The following CDC73 variants were observed in gnomAD, a reference collection of about 807,000 sequenced individuals.
CDC73 encodes the protein parafibromin.
Under a neutral mutation model 83.7 loss-of-function variants are expected in CDC73, and 21 were observed. The ratio of observed to expected loss-of-function variants is 0.25; its 90% CI spans 0.18 to 0.36. The LOEUF (loss-of-function observed/expected upper bound fraction) is 0.36, where lower values mean the gene tolerates loss of function less well. CDC73 is among the 10% of genes least tolerant of loss of function. The pLI is 1.00. For missense variants in CDC73, 342 were observed against 653.3 expected (o/e 0.52, Z 5.19); for synonymous variants, 224 against 212.9 (o/e 1.05, Z -0.45).
chr1:193,246,779 A>G (rs1490937227), intron 15 of CDC73, among the ~76,000 whole-genome samples: 1 of 152,304 alleles, frequency 6.6e-6, no homozygotes. Context: ...GTGATTGTCC[A>G]TGTCACTTAA....
chr1:193,193,268 G>T (rs926126754), intron 10 of CDC73, among the ~76,000 whole-genome samples: 7 of 152,198 alleles, frequency 4.6e-5, no homozygotes, highest in African/African-American at 1.7e-4. Context: ...GCTACAAGGG[G>T]TTGTGAGATG....
chr1:193,248,563 G>T (rs1677992065), intron 15 of CDC73, among the ~76,000 whole-genome samples: 1 of 152,012 alleles, frequency 6.6e-6, no homozygotes, highest in Non-Finnish European at 1.5e-5. Context: ...ACAGTAAATT[G>T]AAACTTTTTA....
intron 10 of CDC73, among the ~76,000 whole-genome samples, chr1:193,154,464 A>G (rs1407089173): frequency 6.6e-6 from 1 of 152,214 alleles, no homozygotes; most frequent in Non-Finnish European, 1.5e-5. Flanking sequence ...ACTGTTCTAA[A>G]TATACTGAAA....
chr1:193,240,541 A>ACCC (rs1677839459), intron 15 of CDC73, among the ~76,000 whole-genome samples: 1 of 151,716 alleles, frequency 6.6e-6, no homozygotes, highest in African/African-American at 2.4e-5. Flanking sequence ...TTTAGTAATA[A>ACCC]CCCTTCTAAT....
intron 10 of CDC73, among the ~76,000 whole-genome samples, chr1:193,187,102 T>TCCCTCCCCCC (rs1553285107): frequency 3.0e-5 from 1 of 32,874 alleles, no homozygotes; most frequent in Non-Finnish European, 6.9e-5. Flanking sequence ...GTAATTTAGA[T>TCCCTCCCCCC]CCCCCCCCCC....
At chr1:193,132,627 T>A (rs992922697) in intron 3 of CDC73, among the ~76,000 whole-genome samples, 6 of 151,614 alleles carry the variant, frequency 4.0e-5, no homozygotes, top group African/African-American at 1.2e-4. Context: ...TTTTTTTTTT[T>A]AATCAAAGCA....
chr1:193,143,653 G>A (rs1414811288), intron 7 of CDC73, among the ~76,000 whole-genome samples: 1 of 152,060 alleles, frequency 6.6e-6, no homozygotes, highest in African/African-American at 2.4e-5. Context: ...GTCTTTCTGT[G>A]TATTGTTTTT....
At chr1:193,213,748 T>C (rs1371278910) in intron 13 of CDC73, among the ~76,000 whole-genome samples, 2 of 152,198 alleles carry the variant, frequency 1.3e-5, no homozygotes, top group African/African-American at 4.8e-5. Flanking sequence ...AATCTTAATA[T>C]GGTATTATTT....
intron 10 of CDC73, among the ~76,000 whole-genome samples, chr1:193,200,343 C>T (rs1677071966): frequency 6.6e-6 from 1 of 152,166 alleles, no homozygotes; most frequent in Admixed American, 6.5e-5. Flanking sequence ...ATTACGATAT[C>T]TGTTCCACTT....
intron 10 of CDC73, among the ~76,000 whole-genome samples, chr1:193,158,698 C>G (rs764567681): frequency 1.8e-4 from 27 of 151,986 alleles, no homozygotes; most frequent in Non-Finnish European, 3.4e-4. Context: ...TGTTGCTTGT[C>G]TTGATATTTC....
At chr1:193,134,531 C>A (rs1333508039) in intron 3 of CDC73, among the ~76,000 whole-genome samples, 1 of 152,026 alleles carries the variant, frequency 6.6e-6, no homozygotes, top group Non-Finnish European at 1.5e-5. Flanking sequence ...ATTAGCCGGG[C>A]GTGGTGGCAT....
At chr1:193,241,543 G>A (rs1677860722) in intron 15 of CDC73, among the ~76,000 whole-genome samples, 1 of 152,182 alleles carries the variant, frequency 6.6e-6, no homozygotes, top group South Asian at 2.1e-4. Flanking sequence ...GGCAATGGCA[G>A]TAGCAGTGAA....
At chr1:193,167,381 A>G (rs939657664) in intron 10 of CDC73, among the ~76,000 whole-genome samples, 1 of 152,196 alleles carries the variant, frequency 6.6e-6, no homozygotes, top group African/African-American at 2.4e-5. Context: ...CTCCTCGAAT[A>G]AACCATAACT....
At chr1:193,228,260 TA>T (rs1677598210) in intron 13 of CDC73, among the ~76,000 whole-genome samples, 1 of 152,158 alleles carries the variant, frequency 6.6e-6, no homozygotes, top group African/African-American at 2.4e-5. Flanking sequence ...ATGCACAAAA[TA>T]GTGATGGCAA....
rs377332359 is a variant in CDC73, at chr1:193,203,786, C to A, written c.973-9C>A. 1.9e-6 allele frequency: 3 copies of A among 1,606,796 alleles called. No individual in the cohort carries two copies. The highest frequency in any genetic ancestry group is 2.2e-5 in the South Asian group (2 of 90,896). On this transcript the variant is annotated splice_polypyrimidine_tract_variant and intron_variant, in intron 10 of 16. Transcript: ENST00000367435. ...TTGATCTTATATATCAATTCTTATTCTTTTAAAGGAGGGTGCATCTGCCCG... is the reference window on the plus strand; with the variant it reads ...TTGATCTTATATATCAATTCTTATTATTTTAAAGGAGGGTGCATCTGCCCG...
intron 2 of CDC73, 86 bp downstream of exon 2, chr1:193,125,303 G>A: frequency 1.2e-6 from 1 of 854,584 alleles, no homozygotes; most frequent in Non-Finnish European, 2.0e-6. Context: ...TTGTTGCCCG[G>A]GCTAGGGTGC....
At position 193,253,030 on chromosome 1, in the gene CDC73, A is replaced by C. The variant is rs12067264; in HGVS notation, c.*2318A>C. 3 of 232,086 alleles carry C rather than the reference A, an allele frequency of 1.3e-5. No homozygotes were observed. The highest frequency in any genetic ancestry group is 6.6e-5 in the African/African-American group (3 of 45,312). The allele number at this position is 232,086 out of a possible 1,614,324, so 14.4% of individuals were successfully genotyped here. A position where few individuals can be genotyped will look rare whatever the true frequency, so the allele number is the denominator to read the frequency against. ...AATTAATAACTTGACTTACCCCTCC[A>C]TAAGTTACTGCTAACTGGAGATACC... On this transcript the variant is annotated 3_prime_UTR_variant, in exon 17 of 17. Coordinates refer to ENST00000367435, the MANE Select transcript of CDC73 (RefSeq NM_024529.5).
chr1:193,221,312 C>T (rs1677465524), intron 13 of CDC73, among the ~76,000 whole-genome samples: 2 of 152,120 alleles, frequency 1.3e-5, no homozygotes, highest in African/African-American at 2.4e-5. Flanking sequence ...TTTTTTGATA[C>T]ATAGTAGTCA....
At chr1:193,176,494 A>G (rs189649794) in intron 10 of CDC73, among the ~76,000 whole-genome samples, 2 of 152,352 alleles carry the variant, frequency 1.3e-5, no homozygotes, top group African/African-American at 4.8e-5. Flanking sequence ...AGAGCATTAA[A>G]GAATCATCAT....
Sources: allele counts gnomAD v4.1 joint callset (sites outside exome capture counted in the v4.1 genomes callset), GRCh38; gene constraint gnomAD v4.1.1; transcripts MANE v1.5; gene names NCBI Gene and HGNC (gene_info 2026-07-23, HGNC 2026-07-21).